PCNX3: variants seen among roughly 807,000 people sequenced by gnomAD.
PCNX3 encodes the protein pecanex-like protein 3.
A neutral mutation model predicts 207.2 loss-of-function variants in PCNX3; 58 were observed. The ratio of observed to expected loss-of-function variants is 0.28; its 90% confidence interval spans 0.23 to 0.35. The LOEUF is 0.35. Ranked by LOEUF, PCNX3 falls within the 10% of genes least tolerant of loss-of-function variation. The probability of loss-of-function intolerance (pLI) is 1.00; values close to 1 mark genes in which losing one functional copy is unlikely to be tolerated. For synonymous variants in PCNX3, 1,337 were observed against 1,183.5 expected (o/e 1.13, Z -2.66); for missense variants, 2,410 against 2,774.4 (o/e 0.87, Z 2.95).
chr11:65,630,245 G>C, intron 26 of PCNX3, 106 bp from the exon 27 acceptor site: 1 of 1,462,424 alleles, frequency 6.8e-7, no homozygotes, highest in Non-Finnish European at 9.1e-7. Flanking sequence ...TGGCGTCCAA[G>C]GGGGTGAATG....
Position 65,617,628 on chromosome 11 carries a change from C to T in PCNX3, c.499C>T (p.Arg167Trp), listed in dbSNP as rs989472796. 6.2e-7 allele frequency: 1 copy of T among 1,608,162 alleles called. No homozygotes were observed. The highest frequency in any genetic ancestry group is 8.5e-7 in the Non-Finnish European group (1 of 1,177,216). Reference sequence around the variant, plus strand: ...GGTTGCAGACATCAAGGAGCTGGTGCGGGAGCAGGGCAGCAACAATGTGAT... The same window carrying T: ...GGTTGCAGACATCAAGGAGCTGGTGTGGGAGCAGGGCAGCAACAATGTGAT... ...GPLRDIKELV[R>W]EQGSNNVIVT... Residue 167 changes from arginine to tryptophan, a missense_variant, in exon 5 of 35, where the codon CGG becomes TGG. Around this residue, in one of 8 missense-constraint regions of PCNX3, gnomAD observed 1,104 missense variants for 970.3 expected, o/e 1.14. Coordinates refer to ENST00000355703, the MANE Select transcript of PCNX3 (RefSeq NM_032223.4).
chr11:65,634,147 C>T lies in PCNX3; in HGVS notation c.4492C>T (p.Arg1498Cys), dbSNP rs767221017. The change falls in exon 28 of 35, where the codon CGC (arginine) becomes TGC (cysteine). Residue 1498 changes from arginine (R) to cysteine (C), a missense_variant. Physicochemically the swap from Arg to Cys is radical, Grantham distance 180. This residue lies in a region of PCNX3 where 420 missense variants were observed against 705.3 expected (regional missense o/e 0.60). Transcript: ENST00000355703. ...YVKSIIYYVSRSPKLEVWLSH... is the reference protein window; with the variant it reads ...YVKSIIYYVSCSPKLEVWLSH... ...CCAGAGCATCATCTACTACGTGAGC[C>T]GCTCACCAAAGCTGGAGGTGTGGCT... The T allele has an allele frequency of 1.3e-5, 21 of 1,612,688 alleles. No homozygotes were observed. The highest frequency in any genetic ancestry group is 3.3e-5 in the South Asian group (3 of 91,010).
Position 65,635,917 on chromosome 11 carries a change from T to G in PCNX3, c.5459+114T>G. On this transcript the variant is annotated intron_variant, in intron 32 of 34. Transcript: ENST00000355703. This position sits in a 1 kb window ranked among gnomAD's most constrained non-coding sequence, Gnocchi z 9.9. Reference sequence around the variant, plus strand: ...GAGCCAGGGCTTGAATCCCGAGAGATGACCCCCTCCCAGAGCTGACCTGCC... The same window carrying G: ...GAGCCAGGGCTTGAATCCCGAGAGAGGACCCCCTCCCAGAGCTGACCTGCC... 7.1e-7 allele frequency: 1 copy of G among 1,405,798 alleles called. No homozygotes were observed. Among genetic ancestry groups the G allele is most frequent in the Middle Eastern group, 2.4e-4 (1 of 4,144 alleles). The allele number at this position is 1,405,798 out of a possible 1,614,324, so 87.1% of individuals were successfully genotyped here.
chr11:65,622,083 C>G (rs1290207615), intron 10 of PCNX3, 162 bp from the exon 11 acceptor site: 1 of 856,850 alleles, frequency 1.2e-6, no homozygotes, highest in Non-Finnish European at 1.4e-6. Flanking sequence ...GGGTCCAGGG[C>G]CGCTAGACAG....
Position 65,623,910 on chromosome 11 carries a change from G to A in PCNX3, c.2512-19G>A, listed in dbSNP as rs1358698443. 8 of 1,612,516 alleles carry A rather than the reference G, an allele frequency of 5.0e-6. No homozygotes were observed. The highest frequency in any genetic ancestry group is 2.2e-5 in the East Asian group (1 of 44,896). The stretch of plus-strand genomic sequence containing the variant: ...GTGGGCATCGGCTCTAGTTGCCAAC[G>A]TAGCCCTGTCTCTTCCAGAGCGTGC... On this transcript the variant is annotated intron_variant, in intron 12 of 34. Coordinates refer to ENST00000355703, the MANE Select transcript of PCNX3 (RefSeq NM_032223.4).
intron 27 of PCNX3, among the ~76,000 whole-genome samples, chr11:65,632,409 G>C (rs998798145): frequency 6.6e-6 from 1 of 151,284 alleles, no homozygotes; most frequent in Non-Finnish European, 1.5e-5. Context: ...GGCCAGTCGA[G>C]GCGGAGCCCC....
In PCNX3 at chr11:65,635,830, T is replaced by G; in HGVS notation, c.5459+27T>G. ...TGAGGCCTCGGGAAGGGGTGACGTG[T>G]GGCGCGGGAGGAAGCTGAGGTGCAG... is the stretch of plus-strand genomic sequence containing the variant. On this transcript the variant is annotated intron_variant, in intron 32 of 34. Coordinates refer to ENST00000355703, the MANE Select transcript of PCNX3 (RefSeq NM_032223.4). The surrounding 1 kb of genome is among the most constrained non-coding windows in gnomAD (Gnocchi z 9.9). 1.3e-6 allele frequency: 2 copies of G among 1,588,680 alleles called. No individual in the cohort carries two copies. Among genetic ancestry groups the G allele is most frequent in the Non-Finnish European group, 8.6e-7 (1 of 1,167,394 alleles).
chr11:65,616,942 TGGA>T lies in PCNX3; in HGVS notation c.274_276del (p.Glu92del). ...GCCATGTTTGACCAGGGCGAGATCG[TGGA>T]GAAGCGCAGCTCTACCATGGGGGAG... On this transcript the variant is annotated inframe_deletion, in exon 2 of 35. Transcript: ENST00000355703. The T allele has an allele frequency of 6.2e-7, 1 of 1,613,344 alleles. No homozygotes were observed. The highest frequency in any genetic ancestry group is 8.5e-7 in the Non-Finnish European group (1 of 1,179,826).
At chr11:65,619,984 A>C (rs1329498836) in intron 8 of PCNX3, 52 bp downstream of exon 8, 44 of 1,527,772 alleles carry the variant, frequency 2.9e-5, no homozygotes, top group East Asian at 1.4e-4. Flanking sequence ...TTCCCCCAAC[A>C]GCCTGAGTCC....
At chr11:65,630,244 A>G (rs2135466216) in intron 26 of PCNX3, 107 bp from the exon 27 acceptor site, 1 of 1,457,462 alleles carries the variant, frequency 6.9e-7, no homozygotes, top group East Asian at 2.5e-5. Flanking sequence ...CTGGCGTCCA[A>G]GGGGGTGAAT....
chr11:65,627,268 G>A, intron 21 of PCNX3, 137 bp from the exon 22 acceptor site: 2 of 1,170,120 alleles, frequency 1.7e-6, no homozygotes, highest in South Asian at 3.2e-5. Flanking sequence ...AGAGTCACGG[G>A]CCCAAAAGAG....
chr11:65,616,802 C>G, intron 1 of PCNX3, 22 bp from the exon 2 acceptor site: 1 of 1,600,414 alleles, frequency 6.2e-7, no homozygotes, highest in Non-Finnish European at 8.5e-7. Flanking sequence ...TGAAAAGGGA[C>G]CTGGCTTACT....
intron 8 of PCNX3, 61 bp from the exon 9 acceptor site, chr11:65,620,278 G>A: frequency 3.3e-6 from 5 of 1,511,968 alleles, no homozygotes; most frequent in Non-Finnish European, 3.6e-6. Context: ...GTGCCCACGT[G>A]AGCCGGGCCT....
intron 28 of PCNX3, 61 bp downstream of exon 28, chr11:65,634,417 C>T: frequency 6.6e-7 from 1 of 1,514,326 alleles, no homozygotes; most frequent in Non-Finnish European, 8.9e-7. Flanking sequence ...TCCCTGCTCC[C>T]CTTCTCCCCA....
In PCNX3 at chr11:65,616,268, A is replaced by C; in HGVS notation, c.-44A>C. 2.0e-6 allele frequency: 3 copies of C among 1,483,570 alleles called. No homozygotes were observed. Among genetic ancestry groups the C allele is most frequent in the Non-Finnish European group, 9.0e-7 (1 of 1,116,674 alleles). The allele number at this position is 1,483,570 out of a possible 1,614,324, so 91.9% of individuals were successfully genotyped here. A position where few individuals can be genotyped will look rare whatever the true frequency, so the allele number is the denominator to read the frequency against. ...GGGGCATGGGCCGGGGGCCGCCCCC[A>C]TGAGGGTCCCGGGAGGGGGGGCGCG... On this transcript the variant is annotated 5_prime_UTR_variant, in exon 1 of 35. An upstream start codon of the reference 5' UTR is lost. Coordinates refer to ENST00000355703, the MANE Select transcript of PCNX3 (RefSeq NM_032223.4).
chr11:65,618,144 G>C lies in PCNX3; in HGVS notation c.782G>C (p.Arg261Pro), dbSNP rs773286636. The change falls in exon 6 of 35, where the codon CGG (arginine) becomes CCG (proline). Residue 261 changes from arginine (R) to proline (P), a missense_variant. By Grantham distance (103) the Arg-to-Pro change is moderately radical. Coordinates refer to ENST00000355703, the MANE Select transcript of PCNX3 (RefSeq NM_032223.4). ...KSFLTLTQPD[R>P]ALVRTSSRRE... ...TTCCTGACCCTGACCCAGCCTGACCGGGCCCTGGTGAGGACCAGCAGTCGA... is the reference window on the plus strand; with the variant it reads ...TTCCTGACCCTGACCCAGCCTGACCCGGCCCTGGTGAGGACCAGCAGTCGA... 1 of 1,609,706 alleles carries C rather than the reference G, an allele frequency of 6.2e-7. No individual in the cohort carries two copies.
At chr11:65,617,064 G>A (rs1038269304) in intron 2 of PCNX3, 53 bp downstream of exon 2, 21 of 1,526,292 alleles carry the variant, frequency 1.4e-5, no homozygotes, top group East Asian at 4.8e-5. Flanking sequence ...TGCCTGGGCC[G>A]GAACCTTGCA....
intron 27 of PCNX3, among the ~76,000 whole-genome samples, chr11:65,631,516 G>A (rs1565169856): frequency 3.3e-5 from 5 of 152,132 alleles, no homozygotes; most frequent in Admixed American, 2.6e-4. Flanking sequence ...ATAATTAGCC[G>A]GGTGTGATGG....
At chr11:65,628,250 C>T (rs1301605078) in intron 22 of PCNX3, among the ~76,000 whole-genome samples, 1 of 152,244 alleles carries the variant, frequency 6.6e-6, no homozygotes, top group Non-Finnish European at 1.5e-5. Context: ...TTCAGCCTCA[C>T]CAGTGACCTA....
Sources: allele counts gnomAD v4.1 joint callset (sites outside exome capture counted in the v4.1 genomes callset), GRCh38; gene constraint gnomAD v4.1.1; regional missense constraint gnomAD v4.1.1; non-coding constraint Gnocchi (gnomAD v3.1); transcripts MANE v1.5; gene names NCBI Gene and HGNC (gene_info 2026-07-23, HGNC 2026-07-21).